Variants in FRAS1 observed in about 807,000 individuals in gnomAD.
FRAS1 encodes extracellular matrix organizing protein FRAS1.
In FRAS1, 290 loss-of-function variants were observed where a neutral mutation model predicts 435.2. The ratio of observed to expected loss-of-function variants is 0.67; its 90% CI spans 0.61 to 0.73. FRAS1 has a LOEUF of 0.73. Ranked by LOEUF, FRAS1 falls within the 30% of genes least tolerant of loss-of-function variation. The pLI, the probability that FRAS1 is intolerant of heterozygous loss-of-function variation, is 0.00. For synonymous variants in FRAS1, 1,800 were observed against 1,851.0 expected (o/e 0.97, Z 0.71); for missense variants, 4,860 against 5,001.5 (o/e 0.97, Z 0.85).
intron 14 of FRAS1, among the ~76,000 whole-genome samples, chr4:78,305,978 C>T (rs1189380221): frequency 2.0e-5 from 3 of 151,906 alleles, no homozygotes; most frequent in African/African-American, 7.3e-5. Flanking sequence ...TACATTTTGG[C>T]ATGATTTTGC....
chr4:78,209,572 C>G (rs966548662), intron 2 of FRAS1, among the ~76,000 whole-genome samples: 9 of 152,050 alleles, frequency 5.9e-5, no homozygotes, highest in Admixed American at 3.9e-4. Flanking sequence ...CTTCCTTTAC[C>G]CTACCCACAC....
At chr4:78,311,931 G>A (rs1200488012) in intron 15 of FRAS1, among the ~76,000 whole-genome samples, 1 of 151,972 alleles carries the variant, frequency 6.6e-6, no homozygotes, top group Admixed American at 6.6e-5. Flanking sequence ...ATTTTATGGA[G>A]TTTCCTTGTA....
intron 2 of FRAS1, among the ~76,000 whole-genome samples, chr4:78,200,390 G>A (rs1028606037): frequency 5.9e-5 from 9 of 152,268 alleles, no homozygotes; most frequent in Admixed American, 2.6e-4. Context: ...GACAGATAAG[G>A]CCACACCCCT....
intron 29 of FRAS1, among the ~76,000 whole-genome samples, chr4:78,393,979 C>A (rs529728069): frequency 6.6e-6 from 1 of 151,848 alleles, no homozygotes; most frequent in Non-Finnish European, 1.5e-5. Flanking sequence ...ATTATGTATG[C>A]TTTTCATATA....
chr4:78,281,293 T>C (rs1292037100), intron 10 of FRAS1, 105 bp from the exon 11 acceptor site: 1 of 702,026 alleles, frequency 1.4e-6, no homozygotes, highest in Non-Finnish European at 2.4e-6. Flanking sequence ...GTGAATAAAG[T>C]TGCATGTTCC....
At chr4:78,118,024 C>A (rs1288908858) in intron 2 of FRAS1, among the ~76,000 whole-genome samples, 1 of 152,206 alleles carries the variant, frequency 6.6e-6, no homozygotes, top group Non-Finnish European at 1.5e-5. Flanking sequence ...GATGTCCTTT[C>A]TGTTTGTTAG....
chr4:78,176,449 C>T (rs1578167968), intron 2 of FRAS1, among the ~76,000 whole-genome samples: 1 of 152,192 alleles, frequency 6.6e-6, no homozygotes, highest in East Asian at 1.9e-4. Flanking sequence ...GAAATCAACT[C>T]ACTGTTCCTT....
chr4:78,269,027 C>T (rs1726513914), intron 9 of FRAS1, among the ~76,000 whole-genome samples: 1 of 152,216 alleles, frequency 6.6e-6, no homozygotes, highest in African/African-American at 2.4e-5. Flanking sequence ...TTGTTTAAAG[C>T]CCTGGGTTCT....
intron 1 of FRAS1, among the ~76,000 whole-genome samples, chr4:78,061,983 G>A (rs969427650): frequency 6.6e-6 from 1 of 152,144 alleles, no homozygotes; most frequent in Non-Finnish European, 1.5e-5. Flanking sequence ...GAAATAAAGA[G>A]GTGTTGTTGT....
At chr4:78,248,696 A>C (rs1725373681) in intron 4 of FRAS1, among the ~76,000 whole-genome samples, 1 of 152,164 alleles carries the variant, frequency 6.6e-6, no homozygotes, top group African/African-American at 2.4e-5. Flanking sequence ...ATAACTCCAT[A>C]ACAGGAACAA....
intron 29 of FRAS1, among the ~76,000 whole-genome samples, chr4:78,394,252 C>T (rs560314989): frequency 3.3e-4 from 50 of 151,782 alleles, no homozygotes; most frequent in Middle Eastern, 3.4e-3. Flanking sequence ...TTTTATTTCC[C>T]GTGATTTCAA....
intron 25 of FRAS1, 105 bp downstream of exon 25, chr4:78,374,356 T>TGA: frequency 8.3e-7 from 1 of 1,204,424 alleles, no homozygotes; most frequent in Non-Finnish European, 1.1e-6. Context: ...GAAAGCAGAA[T>TGA]GAAAGCCCAG....
At chr4:78,232,476 AG>A (rs1477622185) in intron 2 of FRAS1, among the ~76,000 whole-genome samples, 1 of 151,954 alleles carries the variant, frequency 6.6e-6, no homozygotes, top group East Asian at 1.9e-4. Flanking sequence ...TAGTAGAGAC[AG>A]GGTTTCACCG....
chr4:78,216,851 A>G (rs890151677), intron 2 of FRAS1, among the ~76,000 whole-genome samples: 14 of 152,228 alleles, frequency 9.2e-5, no homozygotes, highest in African/African-American at 3.4e-4. Flanking sequence ...AGACTGTGTC[A>G]GAGAAAAGAA....
At position 78,544,220 on chromosome 4, in the gene FRAS1, T is replaced by C. The variant is rs939086444; in HGVS notation, c.*3096T>C. 1 of 152,682 alleles carries C rather than the reference T, an allele frequency of 6.5e-6. No individual in the cohort carries two copies. Among genetic ancestry groups the C allele is most frequent in the Admixed American group, 6.5e-5 (1 of 15,284 alleles). The allele number at this position is 152,682 out of a possible 1,614,324, so 9.5% of individuals were successfully genotyped here. On this transcript the variant is annotated 3_prime_UTR_variant, in exon 74 of 74. Transcript: ENST00000512123. ...TATGAATTTCTGATTTCTCCAATAG[T>C]ATATGCCACTATATAAATTTGTATT...
chr4:78,481,899 A>T lies in FRAS1; in HGVS notation c.8539A>T (p.Thr2847Ser), dbSNP rs754165139. Residue 2847 changes from threonine to serine, a missense_variant, in exon 57 of 74, where the codon ACA (threonine) becomes TCA (serine). By Grantham distance (58) the Thr-to-Ser change is moderately conservative (BLOSUM62 1). Transcript: ENST00000512123. ...GCGGCCCTCAGACCCAGCTTCTGCC[A>T]CACCAGGAGTTGACTACGTTCCCAG... is the stretch of plus-strand genomic sequence containing the variant. ...ATRPSDPASA[T>S]PGVDYVPSSR... 6.2e-7 allele frequency: 1 copy of T among 1,613,826 alleles called. No homozygotes were observed. Among genetic ancestry groups the T allele is most frequent in the Non-Finnish European group, 8.5e-7 (1 of 1,179,828 alleles).
chr4:78,487,584 A>G (rs1720209997), intron 58 of FRAS1, among the ~76,000 whole-genome samples: 1 of 152,198 alleles, frequency 6.6e-6, no homozygotes, highest in South Asian at 2.1e-4. Flanking sequence ...CCAGCAGTCA[A>G]CAAAATGTTG....
chr4:78,388,178 C>T lies in FRAS1; in HGVS notation c.3975+477C>T, dbSNP rs571841930. ...GTCTCTACTGAAAATACAAAAAATT[C>T]GCTGGGCGTGGTGGCGGGTGCCTGT... On this transcript the variant is annotated intron_variant, in intron 29 of 73. Coordinates refer to ENST00000512123, the MANE Select transcript of FRAS1 (RefSeq NM_025074.7). Among the ~76,000 whole-genome samples, 498 of 151,748 alleles carry T rather than the reference C, an allele frequency of 3.3e-3. 4 individuals are homozygous for T. Among genetic ancestry groups the T allele is most frequent in the African/African-American group, 0.011 (455 of 41,382 alleles).
chr4:78,528,543 G>A (rs9996383), intron 70 of FRAS1, among the ~76,000 whole-genome samples: 32 of 151,828 alleles, frequency 2.1e-4, no homozygotes, highest in Admixed American at 1.7e-3. Flanking sequence ...CTGGCTCATC[G>A]CACTCCGCAT....
Sources: allele counts gnomAD v4.1 joint callset (sites outside exome capture counted in the v4.1 genomes callset), GRCh38; gene constraint gnomAD v4.1.1; transcripts MANE v1.5; gene names NCBI Gene and HGNC (gene_info 2026-07-23, HGNC 2026-07-21).